C3orf62: variants seen among roughly 807,000 people sequenced by gnomAD.
C3orf62 encodes chromosome 3 open reading frame 62.
C3orf62 carries 16 observed loss-of-function variants against 21.7 expected under a neutral mutation model. The observed-to-expected ratio is 0.74, with a 90% CI of 0.50 to 1.12. The LOEUF is 1.12. Ranked by LOEUF, C3orf62 falls within the 50% of genes most tolerant of loss-of-function variation. The pLI, the probability that C3orf62 is intolerant of heterozygous loss-of-function variation, is 0.00. For synonymous variants in C3orf62, 114 were observed against 117.0 expected, an observed-to-expected ratio of 0.97 and a Z score of 0.17; for missense variants, 310 against 318.8, an observed-to-expected ratio of 0.97 and a Z score of 0.21.
Position 49,271,079 on chromosome 3 carries a change from A to G in C3orf62, c.*101T>C. 1 of 1,249,770 alleles carries G rather than the reference A, an allele frequency of 8.0e-7. No homozygotes were observed. The highest frequency in any genetic ancestry group is 1.1e-6 in the Non-Finnish European group (1 of 898,456). The allele number at this position is 1,249,770 out of a possible 1,614,324, so 77.4% of individuals were successfully genotyped here. A position where few individuals can be genotyped will look rare whatever the true frequency, so the allele number is the denominator to read the frequency against. ...GGGTCTGGTAATTCAGGTTCTGCCA[A>G]CCTTTTGAGAAATGTGGCCCCTGAC... On this transcript the variant is annotated 3_prime_UTR_variant, in exon 3 of 3. Coordinates refer to ENST00000343010, the MANE Select transcript of C3orf62 (RefSeq NM_198562.3).
At chr3:49,275,561 C>T (rs1194378931) in intron 1 of C3orf62, among the ~76,000 whole-genome samples, 3 of 97,786 alleles carry the variant, frequency 3.1e-5, no homozygotes, top group African/African-American at 8.0e-5. Context: ...TACGGAGTCT[C>T]GCTCTGTCGC....
At position 49,277,211 on chromosome 3, in the gene C3orf62, C is replaced by G. The variant is rs2046972362; in HGVS notation, c.-339G>C. On this transcript the variant is annotated 5_prime_UTR_variant, in exon 1 of 3. Transcript: ENST00000343010. ...CCGCAGCGCAGTGACGCCGACCCAT[C>G]CAACGGTCATCGCATGCGCGTGCCC... The G allele has an allele frequency of 7.5e-7, 1 of 1,337,024 alleles. No homozygotes were observed. The allele number at this position is 1,337,024 out of a possible 1,614,324, so 82.8% of individuals were successfully genotyped here.
rs1435769926 is a variant in C3orf62 at position 49,274,115 on chromosome 3, C to T, written c.472G>A (p.Ala158Thr). The change falls in exon 2 of 3, where the codon GCT (alanine) becomes ACT (threonine). Residue 158 changes from alanine (A) to threonine (T), a missense_variant. By Grantham distance (58) the Ala-to-Thr change is moderately conservative. Transcript: ENST00000343010. ...TTGTTGAGTGGCATGTTTGAGTCAG[C>T]CTTCAAATCTCTCTCCATATCTTTC... is the stretch of plus-strand genomic sequence containing the variant. ...LRKDMERDLK[A>T]DSNMPLNNSS... The T allele has an allele frequency of 3.1e-6, 5 of 1,613,838 alleles. No homozygotes were observed. The highest frequency in any genetic ancestry group is 4.2e-6 in the Non-Finnish European group (5 of 1,179,864).
chr3:49,276,152 T>A (rs2046957632), intron 1 of C3orf62, among the ~76,000 whole-genome samples: 1 of 152,234 alleles, frequency 6.6e-6, no homozygotes, highest in Admixed American at 6.5e-5. Context: ...TTATTTTACA[T>A]CCACTACCCC....
chr3:49,274,356 G>T, intron 1 of C3orf62: 1 of 501,576 alleles, frequency 2.0e-6, no homozygotes, highest in Non-Finnish European at 3.6e-6. Context: ...ATCGCAGACT[G>T]TATTAAATTT....
rs2046972520 is a variant in C3orf62 at position 49,277,225 on chromosome 3, A to T, written c.-353T>A. On this transcript the variant is annotated 5_prime_UTR_variant, in exon 1 of 3. The change abolishes an upstream ATG in the 5' untranslated region. Coordinates refer to ENST00000343010, the MANE Select transcript of C3orf62 (RefSeq NM_198562.3). ...CGCCGACCCATCCAACGGTCATCGCATGCGCGTGCCCCGCGCAGGCCCCAA... is the reference window on the plus strand; with the variant it reads ...CGCCGACCCATCCAACGGTCATCGCTTGCGCGTGCCCCGCGCAGGCCCCAA... 7.6e-7 allele frequency: 1 copy of T among 1,321,312 alleles called. No homozygotes were observed. The highest frequency in any genetic ancestry group is 1.5e-5 in the African/African-American group (1 of 67,182). The allele number at this position is 1,321,312 out of a possible 1,614,324, so 81.8% of individuals were successfully genotyped here.
chr3:49,268,832 T>C lies in C3orf62; in HGVS notation c.*2348A>G, dbSNP rs962672929. 2.0e-5 allele frequency: 3 copies of C among 152,216 alleles called. No homozygotes were observed. Among genetic ancestry groups the C allele is most frequent in the African/African-American group, 7.2e-5 (3 of 41,432 alleles). The allele number at this position is 152,216 out of a possible 1,614,324, so 9.4% of individuals were successfully genotyped here. A position where few individuals can be genotyped will look rare whatever the true frequency, so the allele number is the denominator to read the frequency against. ...CCCAGGCTGGAGTGCAGTGATGCGA[T>C]CTTGGCTCACTGCAACCTCCACCTC... is the stretch of plus-strand genomic sequence containing the variant. On this transcript the variant is annotated 3_prime_UTR_variant, in exon 3 of 3. Transcript: ENST00000343010.
At chr3:49,275,840 T>C (rs2046954401) in intron 1 of C3orf62, among the ~76,000 whole-genome samples, 2 of 151,998 alleles carry the variant, frequency 1.3e-5, no homozygotes, top group South Asian at 4.2e-4. Context: ...TGAAGTTTCA[T>C]CTCATACATT....
chr3:49,271,607 G>C (rs572252527), intron 2 of C3orf62, among the ~76,000 whole-genome samples, 162 bp from the exon 3 acceptor site: 1 of 152,278 alleles, frequency 6.6e-6, no homozygotes, highest in African/African-American at 2.4e-5. Context: ...GCCAAATTAA[G>C]GTGGGTTTGG....
chr3:49,276,576 C>T lies in C3orf62; in HGVS notation c.297G>A (p.Pro99=), dbSNP rs1281157984. 1.2e-6 allele frequency: 2 copies of T among 1,614,180 alleles called. No individual in the cohort carries two copies. The highest frequency in any genetic ancestry group is 1.7e-6 in the Non-Finnish European group (2 of 1,180,050). ...ACAGAGCATGTGGTTTTGCATTTAC[C>T]GGGGCATGGTTTGTTGCAAAGGCAG... ...ENPAFATNHA[P]VNAKPHALCP... Residue 99 remains proline (P), a synonymous_variant, in exon 1 of 3, where the codon CCG becomes CCA. Transcript: ENST00000343010.
intron 2 of C3orf62, among the ~76,000 whole-genome samples, chr3:49,272,966 C>G (rs901706827): frequency 6.6e-6 from 1 of 152,186 alleles, no homozygotes; most frequent in African/African-American, 2.4e-5. Context: ...GCCACCATCC[C>G]TTGCCTTCAG....
intron 1 of C3orf62, among the ~76,000 whole-genome samples, chr3:49,275,212 CA>C (rs1165488442): frequency 6.6e-6 from 1 of 151,826 alleles, no homozygotes; most frequent in Non-Finnish European, 1.5e-5. Flanking sequence ...CTCCAGGATT[CA>C]AGCAATTCTC....
At chr3:49,274,196 A>T (rs2046934243) in intron 1 of C3orf62, 56 bp from the exon 2 acceptor site, 5 of 1,342,620 alleles carry the variant, frequency 3.7e-6, no homozygotes, top group Non-Finnish European at 4.3e-6. Flanking sequence ...CTCTTTCAAG[A>T]AAATATTGAA....
chr3:49,277,017 C>T lies in C3orf62; in HGVS notation c.-145G>A, dbSNP rs1188111828. ...CTCCTGGAGTAGGCGGTTCTCGGCT[C>T]TCGCGGAGGAACCCGCCATCTGCCA... On this transcript the variant is annotated 5_prime_UTR_variant, in exon 1 of 3. Coordinates refer to ENST00000343010, the MANE Select transcript of C3orf62 (RefSeq NM_198562.3). The T allele has an allele frequency of 2.6e-5, 38 of 1,462,798 alleles. No homozygotes were observed. The highest frequency in any genetic ancestry group is 3.2e-5 in the Non-Finnish European group (36 of 1,110,418). 90.6% of individuals were successfully genotyped at this position (1,462,798 alleles called of 1,614,324 possible). A position where few individuals can be genotyped will look rare whatever the true frequency, so the allele number is the denominator to read the frequency against.
Position 49,268,772 on chromosome 3 carries a change from T to C in C3orf62, c.*2408A>G, listed in dbSNP as rs546433704. On this transcript the variant is annotated 3_prime_UTR_variant, in exon 3 of 3. Transcript: ENST00000343010. ...TTATTTTTCATGACCTCAACAGTCT[T>C]TTTTTTTCTTTTTGAGGTGGAGTCT... is the stretch of plus-strand genomic sequence containing the variant. 1.3e-5 allele frequency: 2 copies of C among 152,144 alleles called. No homozygotes were observed. Among genetic ancestry groups the C allele is most frequent in the East Asian group, 3.9e-4 (2 of 5,174 alleles). 9.4% of individuals were successfully genotyped at this position (152,144 alleles called of 1,614,324 possible). A position where few individuals can be genotyped will look rare whatever the true frequency, so the allele number is the denominator to read the frequency against.
intron 1 of C3orf62, 63 bp from the exon 2 acceptor site, chr3:49,274,203 T>G (rs1255088693): frequency 7.9e-7 from 1 of 1,273,000 alleles, no homozygotes; most frequent in African/African-American, 1.5e-5. Flanking sequence ...AAGAAAATAT[T>G]GAAGGGAAAC....
chr3:49,275,659 T>C (rs2046952342), intron 1 of C3orf62, among the ~76,000 whole-genome samples: 1 of 147,428 alleles, frequency 6.8e-6, no homozygotes. Context: ...GCCTCCCGAG[T>C]AGCTGGGACT....
At chr3:49,276,222 C>A (rs1234242586) in intron 1 of C3orf62, among the ~76,000 whole-genome samples, 1 of 152,082 alleles carries the variant, frequency 6.6e-6, no homozygotes, top group African/African-American at 2.4e-5. Context: ...TGACAACTAG[C>A]CCCTCAACTG....
rs35431934 is a variant in C3orf62 at position 49,276,926 on chromosome 3, C to T, written c.-54G>A. ...TTACAAATGAGGCTGCAAACTACCCCTGAATGGCCACGATTTCCTGGAGCT... is the reference window on the plus strand; with the variant it reads ...TTACAAATGAGGCTGCAAACTACCCTTGAATGGCCACGATTTCCTGGAGCT... On this transcript the variant is annotated 5_prime_UTR_variant, in exon 1 of 3. Coordinates refer to ENST00000343010, the MANE Select transcript of C3orf62 (RefSeq NM_198562.3). 3.2e-6 allele frequency: 5 copies of T among 1,557,114 alleles called. No homozygotes were observed. Among genetic ancestry groups the T allele is most frequent in the Non-Finnish European group, 3.5e-6 (4 of 1,152,936 alleles).
Sources: gnomAD v4.1 joint callset for allele counts (sites outside exome capture counted in the v4.1 genomes callset) on GRCh38, gnomAD v4.1.1 for gene constraint, MANE v1.5 for transcripts, NCBI Gene and HGNC (gene_info 2026-07-23, HGNC 2026-07-21) for gene names.